C1QTNF3: variants seen among roughly 807,000 people sequenced by gnomAD.
C1QTNF3 encodes the protein C1q and TNF related 3.
Under a neutral mutation model 32.6 loss-of-function variants are expected in C1QTNF3, and 26 were observed. The observed-to-expected ratio is 0.80, with a 90% CI of 0.58 to 1.11. The LOEUF is 1.11. C1QTNF3 is among the 50% of genes least tolerant of loss of function. The pLI, the probability that C1QTNF3 is intolerant of heterozygous loss-of-function variation, is 0.00. For synonymous variants in C1QTNF3, 155 were observed against 146.0 expected, an observed-to-expected ratio of 1.06 and a Z score of -0.44; for missense variants, 362 against 398.2, an observed-to-expected ratio of 0.91 and a Z score of 0.77.
the C1QTNF3 span, among the ~76,000 whole-genome samples, chr5:34,233,899 T>C: frequency 6.6e-6 from 1 of 152,176 alleles, no homozygotes; most frequent in Non-Finnish European, 1.5e-5. Context: ...ATTAACTGAC[T>C]ATATGAAATT....
At chr5:34,223,405 A>T in the C1QTNF3 span, among the ~76,000 whole-genome samples, 2 of 146,510 alleles carry the variant, frequency 1.4e-5, no homozygotes, top group South Asian at 4.5e-4. Context: ...ACATTTTCTT[A>T]ATCCAGTCTA....
the C1QTNF3 span, among the ~76,000 whole-genome samples, chr5:34,159,806 T>C: frequency 1.3e-5 from 2 of 151,266 alleles, no homozygotes; most frequent in African/African-American, 2.4e-5. Flanking sequence ...ATAATTCAGA[T>C]ACTAAAAATT....
the C1QTNF3 span, among the ~76,000 whole-genome samples, chr5:34,065,134 A>G: frequency 3.2e-3 from 486 of 152,314 alleles, 2 homozygotes; most frequent in African/African-American, 0.011. Context: ...AAATATTCAC[A>G]GACTGCACCC....
At chr5:34,136,997 G>A in the C1QTNF3 span, among the ~76,000 whole-genome samples, 4 of 144,860 alleles carry the variant, frequency 2.8e-5, no homozygotes, top group African/African-American at 7.3e-5. Context: ...GGTCCTGTTG[G>A]GGGGTGGGGG....
the C1QTNF3 span, among the ~76,000 whole-genome samples, chr5:34,065,955 T>C: frequency 6.6e-6 from 1 of 152,024 alleles, no homozygotes; most frequent in Non-Finnish European, 1.5e-5. Flanking sequence ...ATGGACTGAA[T>C]AAAGAAAATG....
the C1QTNF3 span, among the ~76,000 whole-genome samples, chr5:34,211,637 C>T: frequency 3.4e-5 from 5 of 148,620 alleles, no homozygotes; most frequent in Non-Finnish European, 5.9e-5. Flanking sequence ...TGAGAACATC[C>T]GGTGTTTGGT....
At chr5:34,178,333 G>A in the C1QTNF3 span, among the ~76,000 whole-genome samples, 6 of 152,124 alleles carry the variant, frequency 3.9e-5, no homozygotes, top group African/African-American at 1.4e-4. Flanking sequence ...GAACAAGGGT[G>A]CATATCCACA....
the C1QTNF3 span, among the ~76,000 whole-genome samples, chr5:34,176,178 T>G: frequency 2.8e-5 from 4 of 145,350 alleles, no homozygotes; most frequent in African/African-American, 5.1e-5. Flanking sequence ...CCGCATATTC[T>G]CACTCATAAG....
chr5:34,034,207 C>T (rs1458951260), intron 2 of C1QTNF3, among the ~76,000 whole-genome samples: 1 of 152,088 alleles, frequency 6.6e-6, no homozygotes, highest in African/African-American at 2.4e-5. Flanking sequence ...TAACATGATA[C>T]TATCTTTGTT....
At chr5:34,124,057 T>C in the C1QTNF3 span, 1 of 167,274 alleles carries the variant, frequency 6.0e-6, no homozygotes, top group African/African-American at 2.4e-5. Context: ...AAGCACTTTT[T>C]AACAGATGTA....
At chr5:34,039,449 T>G (rs1754816510) in intron 1 of C1QTNF3, among the ~76,000 whole-genome samples, 1 of 152,204 alleles carries the variant, frequency 6.6e-6, no homozygotes, top group Admixed American at 6.5e-5. Flanking sequence ...TCAATGGAAT[T>G]GAGGAGCCAA....
At chr5:34,185,497 T>C in the C1QTNF3 span, among the ~76,000 whole-genome samples, 195 of 152,324 alleles carry the variant, frequency 1.3e-3, no homozygotes, top group African/African-American at 4.6e-3. Context: ...GTATTTCCTC[T>C]GTAAGACACA....
At chr5:34,189,220 T>TTTTTC in the C1QTNF3 span, among the ~76,000 whole-genome samples, 1 of 45,310 alleles carries the variant, frequency 2.2e-5, no homozygotes, top group Non-Finnish European at 6.3e-5. Flanking sequence ...TTTCTTTTTC[T>TTTTTC]TTTTTTTTAT....
chr5:34,055,594 T>C, the C1QTNF3 span, among the ~76,000 whole-genome samples: 2 of 152,200 alleles, frequency 1.3e-5, no homozygotes, highest in African/African-American at 4.8e-5. Flanking sequence ...GGGAGGGAGA[T>C]ATAAATTGTC....
At chr5:34,060,546 C>T in the C1QTNF3 span, among the ~76,000 whole-genome samples, 5 of 152,114 alleles carry the variant, frequency 3.3e-5, no homozygotes, top group African/African-American at 1.2e-4. Context: ...AGACTGGGGG[C>T]AATTTATAAA....
At chr5:34,119,710 C>T in the C1QTNF3 span, among the ~76,000 whole-genome samples, 1 of 152,128 alleles carries the variant, frequency 6.6e-6, no homozygotes, top group Non-Finnish European at 1.5e-5. Flanking sequence ...TTCTTTGGGT[C>T]ATGATCCCAT....
chr5:34,215,293 A>G, the C1QTNF3 span, among the ~76,000 whole-genome samples: 1 of 152,146 alleles, frequency 6.6e-6, no homozygotes, highest in African/African-American at 2.4e-5. Flanking sequence ...GGGGAGCTCT[A>G]TTAAATACTT....
At chr5:34,088,396 G>A in the C1QTNF3 span, among the ~76,000 whole-genome samples, 13 of 152,136 alleles carry the variant, frequency 8.5e-5, no homozygotes, top group African/African-American at 1.7e-4. Flanking sequence ...AAATATTTGT[G>A]AGCAATCAGA....
At chr5:34,211,567 G>A in the C1QTNF3 span, among the ~76,000 whole-genome samples, 6 of 117,056 alleles carry the variant, frequency 5.1e-5, no homozygotes, top group Non-Finnish European at 8.1e-5. Context: ...ACAGTCCCCA[G>A]AGTGTGATGT....
Sources: gnomAD v4.1 joint callset for allele counts (sites outside exome capture counted in the v4.1 genomes callset) on GRCh38, gnomAD v4.1.1 for gene constraint, MANE v1.5 for transcripts, NCBI Gene and HGNC (gene_info 2026-07-23, HGNC 2026-07-21) for gene names.